The following SH3BGRL2 variants were observed in gnomAD, a reference collection of about 807,000 sequenced individuals.
SH3BGRL2 encodes the protein SH3 domain-binding glutamic acid-rich-like protein 2.
Under a neutral mutation model 14.8 loss-of-function variants are expected in SH3BGRL2, and 21 were observed. The ratio of observed to expected loss-of-function variants is 1.42; its 90% CI spans 1.01 to 2.05. SH3BGRL2 has a LOEUF of 2.05. Among genes scored for constraint, SH3BGRL2 ranks in the 30% most tolerant of loss-of-function variants. SH3BGRL2 has a pLI of 0.00. For synonymous variants in SH3BGRL2, 50 were observed against 47.8 expected, an observed-to-expected ratio of 1.05 and a Z score of -0.19; for missense variants, 147 against 130.8, an observed-to-expected ratio of 1.12 and a Z score of -0.61.
chr6:79,576,756 A>C, the SH3BGRL2 span, among the ~76,000 whole-genome samples: 1 of 152,232 alleles, frequency 6.6e-6, no homozygotes, highest in Non-Finnish European at 1.5e-5. Context: ...TAACATTTTC[A>C]TAACCCCAAA....
chr6:79,582,544 C>T, the SH3BGRL2 span, among the ~76,000 whole-genome samples: 2 of 152,120 alleles, frequency 1.3e-5, no homozygotes, highest in East Asian at 3.9e-4. Flanking sequence ...AAAAGGATTC[C>T]CTATTTAATA....
Position 79,699,621 on chromosome 6 carries a change from CTT to C in SH3BGRL2, c.*114_*115del. ...CAAAAGCCACACGCATTATCAGTAA[CTT>C]TGCTTGCCACGGAAAAGGTGTTTTT... On this transcript the variant is annotated 3_prime_UTR_variant, in exon 4 of 4. Coordinates refer to ENST00000369838, the MANE Select transcript of SH3BGRL2 (RefSeq NM_031469.4). The C allele has an allele frequency of 7.5e-7, 1 of 1,337,124 alleles. No homozygotes were observed. Among genetic ancestry groups the C allele is most frequent in the Non-Finnish European group, 9.8e-7 (1 of 1,015,288 alleles). The allele number at this position is 1,337,124 out of a possible 1,614,324, so 82.8% of individuals were successfully genotyped here. A position where few individuals can be genotyped will look rare whatever the true frequency, so the allele number is the denominator to read the frequency against.
intron 1 of SH3BGRL2, among the ~76,000 whole-genome samples, chr6:79,634,436 T>A (rs1461388651): frequency 1.3e-5 from 2 of 152,246 alleles, no homozygotes; most frequent in African/African-American, 4.8e-5. Flanking sequence ...AATAATATAT[T>A]CATAGAAATG....
At chr6:79,591,257 T>C in the SH3BGRL2 span, among the ~76,000 whole-genome samples, 1 of 152,238 alleles carries the variant, frequency 6.6e-6, no homozygotes, top group Non-Finnish European at 1.5e-5. Context: ...ATATCTTTTA[T>C]CAGTCAGTGT....
At chr6:79,589,243 G>A in the SH3BGRL2 span, among the ~76,000 whole-genome samples, 123 of 148,978 alleles carry the variant, frequency 8.3e-4, 1 homozygote, top group African/African-American at 2.9e-3. Context: ...TGAACCTGTG[G>A]ATGTGAAATC....
chr6:79,537,872 A>G, the SH3BGRL2 span, among the ~76,000 whole-genome samples: 1 of 152,106 alleles, frequency 6.6e-6, no homozygotes, highest in Non-Finnish European at 1.5e-5. Context: ...TGGCTGATTC[A>G]GGAGGATGCG....
At chr6:79,541,847 A>G in the SH3BGRL2 span, among the ~76,000 whole-genome samples, 3 of 152,370 alleles carry the variant, frequency 2.0e-5, no homozygotes, top group South Asian at 6.2e-4. Context: ...AGGTTCATAG[A>G]TCAGTCTGGT....
At chr6:79,657,647 G>C (rs947320491) in intron 1 of SH3BGRL2, among the ~76,000 whole-genome samples, 1 of 151,072 alleles carries the variant, frequency 6.6e-6, no homozygotes, top group Non-Finnish European at 1.5e-5. Context: ...GCGGAGTTTC[G>C]CTCTTGTTGC....
chr6:79,602,564 G>C, the SH3BGRL2 span, among the ~76,000 whole-genome samples: 1 of 152,110 alleles, frequency 6.6e-6, no homozygotes, highest in Non-Finnish European at 1.5e-5. Flanking sequence ...GCTTAAGTAA[G>C]AGCCCACTGA....
the SH3BGRL2 span, among the ~76,000 whole-genome samples, chr6:79,605,823 C>G: frequency 6.6e-6 from 1 of 152,126 alleles, no homozygotes; most frequent in Non-Finnish European, 1.5e-5. Flanking sequence ...TATCAGGAAA[C>G]AAACACAAGC....
At chr6:79,570,483 AG>A in the SH3BGRL2 span, among the ~76,000 whole-genome samples, 1 of 152,242 alleles carries the variant, frequency 6.6e-6, no homozygotes, top group South Asian at 2.1e-4. Context: ...TAAAAGGTAA[AG>A]AAGACAACCA....
At chr6:79,597,129 C>T in the SH3BGRL2 span, among the ~76,000 whole-genome samples, 4 of 151,976 alleles carry the variant, frequency 2.6e-5, no homozygotes, top group Admixed American at 6.6e-5. Context: ...TCTCAAAAAG[C>T]TGAGGCACAA....
the SH3BGRL2 span, among the ~76,000 whole-genome samples, chr6:79,589,124 C>T: frequency 6.6e-6 from 1 of 151,322 alleles, no homozygotes; most frequent in African/African-American, 2.4e-5. Context: ...AGTTGTTTTA[C>T]TCTATTGTTT....
At chr6:79,639,146 A>G (rs1441402553) in intron 1 of SH3BGRL2, among the ~76,000 whole-genome samples, 1 of 152,216 alleles carries the variant, frequency 6.6e-6, no homozygotes, top group Non-Finnish European at 1.5e-5. Context: ...TCTTTGATTT[A>G]TAAAAAGTTC....
chr6:79,547,970 G>A, the SH3BGRL2 span, among the ~76,000 whole-genome samples: 32,475 of 151,990 alleles, frequency 0.21, 3,568 homozygotes, highest in African/African-American at 0.27. Context: ...GGCTCAAGCA[G>A]TCCTCCCACC....
chr6:79,632,588 A>G (rs1768846070), intron 1 of SH3BGRL2, among the ~76,000 whole-genome samples: 2 of 152,322 alleles, frequency 1.3e-5, no homozygotes, highest in South Asian at 4.1e-4. Flanking sequence ...TATTGTTTGA[A>G]AATCCTTGTA....
intron 1 of SH3BGRL2, among the ~76,000 whole-genome samples, chr6:79,634,679 G>A (rs1407999015): frequency 6.6e-6 from 1 of 152,156 alleles, no homozygotes; most frequent in Non-Finnish European, 1.5e-5. Flanking sequence ...AGAATAGAGG[G>A]TGTGATCTGT....
intron 1 of SH3BGRL2, among the ~76,000 whole-genome samples, chr6:79,647,336 T>A (rs898665176): frequency 1.8e-4 from 28 of 152,156 alleles, no homozygotes; most frequent in Admixed American, 5.2e-4. Flanking sequence ...ATCTTTTTTT[T>A]TAAAATCTCT....
chr6:79,661,153 T>A (rs1769538543), intron 1 of SH3BGRL2, among the ~76,000 whole-genome samples: 1 of 152,204 alleles, frequency 6.6e-6, no homozygotes. Flanking sequence ...TAATCTTAGT[T>A]ATTTCTTGCC....
Sources: allele counts gnomAD v4.1 joint callset (sites outside exome capture counted in the v4.1 genomes callset), GRCh38; gene constraint gnomAD v4.1.1; transcripts MANE v1.5; gene names NCBI Gene and HGNC (gene_info 2026-07-23, HGNC 2026-07-21).